The following CSRP1 variants were observed in gnomAD, a reference collection of about 807,000 sequenced individuals.
The protein encoded by CSRP1 is cysteine and glycine rich protein 1, also known as cysteine and glycine-rich protein 1.
CSRP1 carries 16 observed loss-of-function variants against 25.4 expected under a neutral mutation model. The ratio of observed to expected loss-of-function variants is 0.63; its 90% CI spans 0.43 to 0.96. The LOEUF (loss-of-function observed/expected upper bound fraction) is 0.96, where lower values mean the gene tolerates loss of function less well. Ranked by LOEUF, CSRP1 falls within the 40% of genes least tolerant of loss-of-function variation. The pLI is 0.00. For synonymous variants in CSRP1, 97 were observed against 95.3 expected, an observed-to-expected ratio of 1.02 and a Z score of -0.10; for missense variants, 212 against 243.6, an observed-to-expected ratio of 0.87 and a Z score of 0.86.
chr1:201,485,525 A>G (rs1664107390), intron 4 of CSRP1, 149 bp from the exon 5 acceptor site: 2 of 681,450 alleles, frequency 2.9e-6, no homozygotes, highest in Non-Finnish European at 5.2e-6. Flanking sequence ...GACATGGCCT[A>G]TGGTGCAAGG....
chr1:201,506,429 G>T (rs530301101), intron 1 of CSRP1, among the ~76,000 whole-genome samples: 4 of 152,232 alleles, frequency 2.6e-5, no homozygotes, highest in Non-Finnish European at 5.9e-5. Flanking sequence ...AGGGCTGATT[G>T]TTAGCTAACA....
intron 4 of CSRP1, chr1:201,487,027 CA>C (rs1350657547): frequency 7.8e-7 from 1 of 1,282,762 alleles, no homozygotes; most frequent in Admixed American, 2.3e-5. Flanking sequence ...TGAAAATAAA[CA>C]ACAATAATAA....
At chr1:201,489,845 G>A (rs2102405799) in intron 3 of CSRP1, 1 of 205,672 alleles carries the variant, frequency 4.9e-6, no homozygotes, top group African/African-American at 2.3e-5. Flanking sequence ...ACTCCAGCCT[G>A]GGTGACAGAG....
chr1:201,484,658 T>G lies in CSRP1; in HGVS notation c.*55A>C, dbSNP rs1664073331. 6.7e-7 allele frequency: 1 copy of G among 1,485,790 alleles called. No individual in the cohort carries two copies. Among genetic ancestry groups the G allele is most frequent in the Admixed American group, 1.9e-5 (1 of 52,324 alleles). The allele number at this position is 1,485,790 out of a possible 1,614,324, so 92.0% of individuals were successfully genotyped here. A position where few individuals can be genotyped will look rare whatever the true frequency, so the allele number is the denominator to read the frequency against. ...TGGAGGTCTCCAAAGCTGCTGGGAA[T>G]GGAATGGCGATGAAAAGCGCAGGAG... On this transcript the variant is annotated 3_prime_UTR_variant, in exon 6 of 6. Coordinates refer to ENST00000340006, the MANE Select transcript of CSRP1 (RefSeq NM_004078.3).
In CSRP1 at chr1:201,484,110, C is replaced by A. The variant is rs1054289773; in HGVS notation, c.*603G>T. 1 of 668,130 alleles carries A rather than the reference C, an allele frequency of 1.5e-6. No homozygotes were observed. Among genetic ancestry groups the A allele is most frequent in the Non-Finnish European group, 2.8e-6 (1 of 358,304 alleles). 41.4% of individuals were successfully genotyped at this position (668,130 alleles called of 1,614,324 possible). On this transcript the variant is annotated 3_prime_UTR_variant, in exon 6 of 6. Coordinates refer to ENST00000340006, the MANE Select transcript of CSRP1 (RefSeq NM_004078.3). Reference sequence around the variant, plus strand: ...AGTCCTAGTGGGAGGCTATCCATTCCACAAAGACTCAAAGGCAAGAGGCCT... The same window carrying A: ...AGTCCTAGTGGGAGGCTATCCATTCAACAAAGACTCAAAGGCAAGAGGCCT...
intron 1 of CSRP1, among the ~76,000 whole-genome samples, chr1:201,503,403 G>A (rs532585257): frequency 2.6e-5 from 4 of 152,104 alleles, no homozygotes; most frequent in Non-Finnish European, 5.9e-5. Flanking sequence ...AAAAACACAG[G>A]TCGTTTGCAG....
intron 2 of CSRP1, among the ~76,000 whole-genome samples, chr1:201,495,364 G>C (rs1246414919): frequency 1.3e-5 from 2 of 152,216 alleles, no homozygotes; most frequent in Non-Finnish European, 2.9e-5. Flanking sequence ...CTGGGTGACA[G>C]AGTGAGACTC....
At chr1:201,490,451 A>G in intron 2 of CSRP1, 107 bp from the exon 3 acceptor site, 1 of 1,153,236 alleles carries the variant, frequency 8.7e-7, no homozygotes, top group Non-Finnish European at 1.2e-6. Context: ...TTGCATACAT[A>G]ATATCCTGAT....
chr1:201,499,247 C>G (rs766184474), intron 1 of CSRP1, among the ~76,000 whole-genome samples: 1 of 152,216 alleles, frequency 6.6e-6, no homozygotes, highest in Non-Finnish European at 1.5e-5. Context: ...TCGGCCTGAT[C>G]ATCGGCCATT....
chr1:201,495,275 G>T (rs908663628), intron 2 of CSRP1, among the ~76,000 whole-genome samples: 6 of 152,212 alleles, frequency 3.9e-5, no homozygotes, highest in Admixed American at 3.9e-4. Context: ...TGGCATGCAT[G>T]TGTAGTCCTA....
In CSRP1 at chr1:201,501,389, C is replaced by G. The variant is rs940275641; in HGVS notation, c.-1-5085G>C. Among the ~76,000 whole-genome samples, 15 of 152,236 alleles carry G rather than the reference C, an allele frequency of 9.9e-5. 1 individual carries two copies. The highest frequency in any genetic ancestry group is 5.9e-4 in the Admixed American group (9 of 15,286). On this transcript the variant is annotated intron_variant, in intron 1 of 5. Transcript: ENST00000340006. ...GCCCTTCTTTGGGGTTTAGCTCCCC[C>G]CAGCTGTCTGTGATGTCCCATTTCA... is the stretch of plus-strand genomic sequence containing the variant.
At chr1:201,501,469 G>A (rs756934529) in intron 1 of CSRP1, among the ~76,000 whole-genome samples, 33 of 152,160 alleles carry the variant, frequency 2.2e-4, no homozygotes, top group Non-Finnish European at 3.7e-4. Context: ...TGAATGGCTG[G>A]AAACACCTGG....
At chr1:201,506,231 G>C (rs1200064172) in intron 1 of CSRP1, among the ~76,000 whole-genome samples, 2 of 152,150 alleles carry the variant, frequency 1.3e-5, no homozygotes, top group Non-Finnish European at 2.9e-5. Flanking sequence ...AGCGTGGGGA[G>C]AGCCTGCCCA....
At chr1:201,486,242 C>A (rs538546523) in intron 4 of CSRP1, 1 of 669,096 alleles carries the variant, frequency 1.5e-6, no homozygotes, top group Admixed American at 6.3e-5. Flanking sequence ...AAGTGAGGCC[C>A]GAGTTTGTAC....
intron 2 of CSRP1, chr1:201,490,838 GA>G (rs1664317399): frequency 6.5e-6 from 1 of 153,090 alleles, no homozygotes; most frequent in African/African-American, 2.4e-5. Flanking sequence ...AACGGGGGGA[GA>G]TGCAGGTGAT....
chr1:201,489,120 G>T, intron 3 of CSRP1, 136 bp from the exon 4 acceptor site: 2 of 1,060,966 alleles, frequency 1.9e-6, no homozygotes, highest in East Asian at 2.7e-5. Flanking sequence ...ACAAAGGCTA[G>T]GGCCTCTAGG....
At position 201,501,992 on chromosome 1, in the gene CSRP1, A is replaced by AAAT. The variant is rs1664684637; in HGVS notation, c.-2+5077_-2+5078insATT. 2.1e-5 allele frequency among the ~76,000 whole-genome samples: 3 copies of AAAT among 144,540 alleles called. No homozygotes were observed. The South Asian group carries it at 6.8e-4, about 33-fold the overall frequency. 94.8% of individuals were successfully genotyped at this position (144,540 alleles called of 152,430 possible). A position where few individuals can be genotyped will look rare whatever the true frequency, so the allele number is the denominator to read the frequency against. ...GGGCAATAAAGCAATACTCAGTCTC[A>AAAT]AAATAAATAAATAAATAAATAAATA... On this transcript the variant is annotated intron_variant, in intron 1 of 5. Transcript: ENST00000340006.
chr1:201,486,873 G>C, intron 4 of CSRP1: 1 of 1,220,508 alleles, frequency 8.2e-7, no homozygotes, highest in Non-Finnish European at 1.0e-6. Context: ...AATGGAAATA[G>C]TGATTCTTAG....
intron 1 of CSRP1, among the ~76,000 whole-genome samples, chr1:201,497,431 G>A (rs1664548561): frequency 6.6e-6 from 1 of 151,446 alleles, no homozygotes; most frequent in Admixed American, 6.6e-5. Context: ...AGAGTGAGGG[G>A]CTTTTGCAAA....
Sources: allele counts gnomAD v4.1 joint callset (sites outside exome capture counted in the v4.1 genomes callset), GRCh38; gene constraint gnomAD v4.1.1; transcripts MANE v1.5; gene names NCBI Gene and HGNC (gene_info 2026-07-23, HGNC 2026-07-21).